Variants in OXER1 observed in about 807,000 individuals in gnomAD.
The protein encoded by OXER1 is 5-oxo-ETE G-protein coupled receptor.
For missense variants in OXER1, 587 were observed against 551.7 expected (o/e 1.06, Z -0.64); for synonymous variants, 258 against 245.8 (o/e 1.05, Z -0.47).
In OXER1 at chr2:42,763,723, GGTA is replaced by G. The variant is rs1670551721; in HGVS notation, c.454_456del (p.Tyr152del). 1.2e-6 allele frequency: 2 copies of G among 1,614,168 alleles called. No individual in the cohort carries two copies. Among genetic ancestry groups the G allele is most frequent in the East Asian group, 2.2e-5 (1 of 44,888 alleles). ...CCAAAGCGCCAGGTCTCATGGAGGA[GGTA>G]GTAGTCCACGCGGAGGGGCAGGTTG... On this transcript the variant is annotated inframe_deletion, in exon 1 of 1. Transcript: ENST00000378661. This position sits in a 1 kb window ranked among gnomAD's most constrained non-coding sequence, Gnocchi z 4.4.
chr2:42,763,294 C>G lies in OXER1; in HGVS notation c.886G>C (p.Val296Leu), dbSNP rs1345853897. 6 of 1,613,146 alleles carry G rather than the reference C, an allele frequency of 3.7e-6. No homozygotes were observed. Among genetic ancestry groups the G allele is most frequent in the Non-Finnish European group, 5.1e-6 (6 of 1,179,824 alleles). ...TAGACGGCCACCACCATGGCCAGCA[C>G]ACGCATGGCCCTCTGCGGGCCTGCC... The change falls in exon 1 of 1, where the codon GTG becomes CTG. Residue 296 changes from valine to leucine, a missense_variant. Coordinates refer to ENST00000378661, the Ensembl canonical transcript of OXER1. This position sits in a 1 kb window ranked among gnomAD's most constrained non-coding sequence, Gnocchi z 4.4.
chr2:42,763,190 CA>C, the OXER1 span: 1 of 1,612,664 alleles, frequency 6.2e-7, no homozygotes, highest in Non-Finnish European at 8.5e-7. The surrounding 1 kb of genome is among the most constrained non-coding windows in gnomAD (Gnocchi z 4.4). Context: ...TGCAGAGGTC[CA>C]GGGATCGGCA....
rs1305743435 is a variant in OXER1 at position 42,763,768 on chromosome 2, C to T, written c.412G>A (p.Asp138Asn). ...GGCAGGTTGCTGATCAGGAGGAAGT[C>T]AGCGGCCACCAGGCTGACCAGGAAC... Residue 138 changes from aspartate (D) to asparagine (N), a missense_variant, in exon 1 of 1, where the codon GAC becomes AAC. Coordinates refer to ENST00000378661, the Ensembl canonical transcript of OXER1. This position sits in a 1 kb window ranked among gnomAD's most constrained non-coding sequence, Gnocchi z 4.4. 3.1e-6 allele frequency: 5 copies of T among 1,614,028 alleles called. No individual in the cohort carries two copies. The South Asian group carries it at 5.5e-5, about 18-fold the overall frequency.
At position 42,763,805 on chromosome 2, in the gene OXER1, G is replaced by C. The variant is rs747226316; in HGVS notation, c.375C>G (p.Thr125=). Residue 125 remains threonine, a synonymous_variant, in exon 1 of 1, where the codon ACC becomes ACG. Transcript: ENST00000378661. This position sits in a 1 kb window ranked among gnomAD's most constrained non-coding sequence, Gnocchi z 4.4. ...GGCTGACCAGGAACACCGTGTTGGA[G>C]GTCCAGGGCCGCGTGTGGATGCAGA... The C allele has an allele frequency of 1.2e-6, 2 of 1,614,012 alleles. No homozygotes were observed. Among genetic ancestry groups the C allele is most frequent in the South Asian group, 1.1e-5 (1 of 91,084 alleles).
At chr2:42,762,577 G>C in exon 1 of OXER1, 1 of 332,008 alleles carries the variant, frequency 3.0e-6, no homozygotes, top group Non-Finnish European at 5.5e-6. Context: ...CAATTTCTAA[G>C]GTGACTCTGC....
rs1226985056 is a variant in OXER1 at position 42,763,516 on chromosome 2, G to A, written c.664C>T (p.Leu222Phe). ...CTCAGGAGCAGGTGCCCGTTGAGGA[G>A]CAGGATGCCCACCCAGAGTCCCCCG... Residue 222 changes from leucine (L) to phenylalanine (F), a missense_variant, in exon 1 of 1, where the codon CTC becomes TTC. Physicochemically the swap from Leu to Phe is conservative, Grantham distance 22. Coordinates refer to ENST00000378661, the Ensembl canonical transcript of OXER1. The surrounding 1 kb of genome is among the most constrained non-coding windows in gnomAD (Gnocchi z 4.4). The A allele has an allele frequency of 1.9e-6, 3 of 1,555,222 alleles. No individual in the cohort carries two copies. Among genetic ancestry groups the A allele is most frequent in the Non-Finnish European group, 2.6e-6 (3 of 1,149,752 alleles).
chr2:42,763,800 T>C lies in OXER1; in HGVS notation c.380A>G (p.Asn127Ser). The change falls in exon 1 of 1, where the codon AAC (asparagine) becomes AGC (serine). Residue 127 changes from asparagine to serine, a missense_variant. Transcript: ENST00000378661. The surrounding 1 kb of genome is among the most constrained non-coding windows in gnomAD (Gnocchi z 4.4). Reference sequence around the variant, plus strand: ...CACCAGGCTGACCAGGAACACCGTGTTGGAGGTCCAGGGCCGCGTGTGGAT... The same window carrying C: ...CACCAGGCTGACCAGGAACACCGTGCTGGAGGTCCAGGGCCGCGTGTGGAT... 6.2e-7 allele frequency: 1 copy of C among 1,613,954 alleles called. No homozygotes were observed. The highest frequency in any genetic ancestry group is 8.5e-7 in the Non-Finnish European group (1 of 1,180,000).
chr2:42,763,851 T>A lies in OXER1; in HGVS notation c.329A>T (p.Asn110Ile). ...GCAGAAGATGAAGAGGGCCAAACTGTTCCCCACCAGGCCCAGGACAAACTC... is the reference window on the plus strand; with the variant it reads ...GCAGAAGATGAAGAGGGCCAAACTGATCCCCACCAGGCCCAGGACAAACTC... Residue 110 changes from asparagine (N) to isoleucine (I), a missense_variant, in exon 1 of 1, where the codon AAC (asparagine) becomes ATC (isoleucine). Transcript: ENST00000378661. This position sits in a 1 kb window ranked among gnomAD's most constrained non-coding sequence, Gnocchi z 4.4. 1 of 1,613,918 alleles carries A rather than the reference T, an allele frequency of 6.2e-7. No homozygotes were observed. Among genetic ancestry groups the A allele is most frequent in the Non-Finnish European group, 8.5e-7 (1 of 1,180,004 alleles).
exon 1 of OXER1, chr2:42,762,761 C>T (rs1019416411): frequency 2.2e-6 from 2 of 914,894 alleles, no homozygotes; most frequent in African/African-American, 3.3e-5. Flanking sequence ...CTGCCACCCA[C>T]CTGAGTCCTG....
chr2:42,762,703 G>T (rs995127862), exon 1 of OXER1: 10 of 588,110 alleles, frequency 1.7e-5, no homozygotes, highest in Non-Finnish European at 2.9e-5. Context: ...CCTGCATTCT[G>T]GGAATGCCAT....
chr2:42,764,087 G>T (rs1670568782), exon 1 of OXER1: 2 of 1,614,026 alleles, frequency 1.2e-6, no homozygotes, highest in South Asian at 2.2e-5. Context: ...ATGGGCCTGA[G>T]AGAAGGTTCT....
At chr2:42,764,021 G>A (rs1670564513) in exon 1 of OXER1, 1 of 1,613,900 alleles carries the variant, frequency 6.2e-7, no homozygotes, top group Non-Finnish European at 8.5e-7. Context: ...GAACAGAGGA[G>A]GAGAGAGAGG....
At position 42,763,420 on chromosome 2, in the gene OXER1, G is replaced by C; in HGVS notation, c.760C>G (p.Gln254Glu). The change falls in exon 1 of 1, where the codon CAG becomes GAG. Residue 254 changes from glutamine (Q) to glutamate (E), a missense_variant. By Grantham distance (29) the Gln-to-Glu change is conservative. Coordinates refer to ENST00000378661, the Ensembl canonical transcript of OXER1. This position sits in a 1 kb window ranked among gnomAD's most constrained non-coding sequence, Gnocchi z 4.4. Reference sequence around the variant, plus strand: ...AAGAACTCCAGCAGGTACAGTGCCTGGTGCCAGCGGAGCGAGGCCGAGGGC... The same window carrying C: ...AAGAACTCCAGCAGGTACAGTGCCTCGTGCCAGCGGAGCGAGGCCGAGGGC... 6.3e-7 allele frequency: 1 copy of C among 1,586,942 alleles called. No homozygotes were observed. The highest frequency in any genetic ancestry group is 8.6e-7 in the Non-Finnish European group (1 of 1,166,998).
Position 42,764,017 on chromosome 2 carries a change from A to G in OXER1, c.163T>C (p.Ser55Pro). The G allele has an allele frequency of 1.9e-6, 3 of 1,613,744 alleles. No individual in the cohort carries two copies. Among genetic ancestry groups the G allele is most frequent in the Non-Finnish European group, 2.5e-6 (3 of 1,179,872 alleles). Reference sequence around the variant, plus strand: ...GGAGAGAAGGAGGGAGGGAGAACAGAGGAGGAGAGAGAGGGAGATGGAGAG... The same window carrying G: ...GGAGAGAAGGAGGGAGGGAGAACAGGGGAGGAGAGAGAGGGAGATGGAGAG... Residue 55 changes from serine to proline, a missense_variant, in exon 1 of 1, where the codon TCT becomes CCT. Transcript: ENST00000378661.
Position 42,763,010 on chromosome 2 carries a change from C to G in OXER1, c.1170G>C (p.Arg390Ser). Residue 390 changes from arginine to serine, a missense_variant, in exon 1 of 1, where the codon AGG becomes AGC. Transcript: ENST00000378661. This position sits in a 1 kb window ranked among gnomAD's most constrained non-coding sequence, Gnocchi z 4.4. ...TAGAGGCCTCCCGGTAGCGCCACTG[C>G]CTGGAGGGTTGGTAGGAGCTCTCGT... is the stretch of plus-strand genomic sequence containing the variant. The G allele has an allele frequency of 6.2e-7, 1 of 1,614,058 alleles. No homozygotes were observed. Among genetic ancestry groups the G allele is most frequent in the Non-Finnish European group, 8.5e-7 (1 of 1,180,042 alleles).
At chr2:42,762,726 G>T in exon 1 of OXER1, 1 of 642,880 alleles carries the variant, frequency 1.6e-6, no homozygotes. Flanking sequence ...TGGACACACT[G>T]AGAGGCCTAG....
In OXER1 at chr2:42,763,032, T is replaced by C; in HGVS notation, c.1148A>G (p.Glu383Gly). 6.2e-7 allele frequency: 1 copy of C among 1,614,082 alleles called. No homozygotes were observed. The highest frequency in any genetic ancestry group is 8.5e-7 in the Non-Finnish European group (1 of 1,180,032). Residue 383 changes from glutamate to glycine, a missense_variant, in exon 1 of 1, where the codon GAG becomes GGG. Glu to Gly is a moderately conservative substitution (Grantham distance 98, BLOSUM62 -2). Coordinates refer to ENST00000378661, the Ensembl canonical transcript of OXER1. This position sits in a 1 kb window ranked among gnomAD's most constrained non-coding sequence, Gnocchi z 4.4. The stretch of plus-strand genomic sequence containing the variant: ...CTGCCTGGAGGGTTGGTAGGAGCTC[T>C]CGTCGCTCACTGGGCCCTGCCGGCC...
At position 42,763,426 on chromosome 2, in the gene OXER1, A is replaced by G; in HGVS notation, c.754T>C (p.Trp252Arg). Reference sequence around the variant, plus strand: ...TCCAGCAGGTACAGTGCCTGGTGCCAGCGGAGCGAGGCCGAGGGCTTCGTG... The same window carrying G: ...TCCAGCAGGTACAGTGCCTGGTGCCGGCGGAGCGAGGCCGAGGGCTTCGTG... Residue 252 changes from tryptophan (W) to arginine (R), a missense_variant, in exon 1 of 1, where the codon TGG (tryptophan) becomes CGG (arginine). Trp to Arg is a moderately radical substitution (Grantham distance 101). Transcript: ENST00000378661. The surrounding 1 kb of genome is among the most constrained non-coding windows in gnomAD (Gnocchi z 4.4). 5 of 1,582,190 alleles carry G rather than the reference A, an allele frequency of 3.2e-6. No homozygotes were observed. The highest frequency in any genetic ancestry group is 4.3e-6 in the Non-Finnish European group (5 of 1,164,506).
chr2:42,762,872 C>A (rs746640098), exon 1 of OXER1: 3 of 1,577,970 alleles, frequency 1.9e-6, no homozygotes, highest in African/African-American at 1.4e-5. Context: ...CGCGGCAGCC[C>A]TTACCCCCAC....
Sources: allele counts gnomAD v4.1 joint callset, GRCh38; gene constraint gnomAD v4.1.1; non-coding constraint Gnocchi (gnomAD v3.1); transcripts MANE v1.5; gene names NCBI Gene and HGNC (gene_info 2026-07-23, HGNC 2026-07-21).